The following GINM1 variants were observed in gnomAD, a reference collection of about 807,000 sequenced individuals.
The protein encoded by GINM1 is glycosylated integral membrane protein 1.
A neutral mutation model predicts 37.8 loss-of-function variants in GINM1; 29 were observed. The ratio of observed to expected loss-of-function variants is 0.77; its 90% CI spans 0.57 to 1.05. GINM1 has a LOEUF of 1.05. Ranked by LOEUF, GINM1 falls within the 50% of genes least tolerant of loss-of-function variation. The pLI is 0.00. For synonymous variants in GINM1, 143 were observed against 146.2 expected (o/e 0.98, Z 0.16); for missense variants, 377 against 397.9 (o/e 0.95, Z 0.45).
chr6:149,572,993 G>A (rs1777854338), intron 3 of GINM1, among the ~76,000 whole-genome samples: 1 of 152,086 alleles, frequency 6.6e-6, no homozygotes, highest in Non-Finnish European at 1.5e-5. Flanking sequence ...TACTAAATTA[G>A]CAAAACAATT....
At chr6:149,577,756 C>T (rs1016672221) in intron 3 of GINM1, among the ~76,000 whole-genome samples, 1 of 152,160 alleles carries the variant, frequency 6.6e-6, no homozygotes, top group Non-Finnish European at 1.5e-5. Context: ...CAAAAATCTT[C>T]AGATTATTTG....
At chr6:149,571,485 A>G (rs1221615001) in intron 1 of GINM1, among the ~76,000 whole-genome samples, 1 of 152,216 alleles carries the variant, frequency 6.6e-6, no homozygotes, top group Admixed American at 6.5e-5. Context: ...GGAAGAATAC[A>G]TGTGTACTGT....
chr6:149,588,258 T>G (rs1469809583), intron 7 of GINM1, among the ~76,000 whole-genome samples: 1 of 152,240 alleles, frequency 6.6e-6, no homozygotes, highest in Non-Finnish European at 1.5e-5. Flanking sequence ...CATTTTCATC[T>G]TACTAGCATC....
At chr6:149,582,341 G>C in intron 6 of GINM1, 99 bp from the exon 7 acceptor site, 1 of 1,005,830 alleles carries the variant, frequency 9.9e-7, no homozygotes, top group Non-Finnish European at 1.5e-6. Flanking sequence ...TCAAAATATA[G>C]AATATTTTTA....
At position 149,580,713 on chromosome 6, in the gene GINM1, C is replaced by T. The variant is rs1325133603; in HGVS notation, c.707C>T (p.Ser236Phe). 3.1e-6 allele frequency: 5 copies of T among 1,606,450 alleles called. No homozygotes were observed. The highest frequency in any genetic ancestry group is 1.1e-5 in the South Asian group (1 of 90,946). The change falls in exon 6 of 8, where the codon TCT becomes TTT. Residue 236 changes from serine (S) to phenylalanine (F), a missense_variant. Transcript: ENST00000367419. ...ACTCCTCTCAGAGCAGAGCCGCCATCTTCATATAAGGTAAATCAAGTATTT... is the reference window on the plus strand; with the variant it reads ...ACTCCTCTCAGAGCAGAGCCGCCATTTTCATATAAGGTAAATCAAGTATTT... ...PETPLRAEPP[S>F]SYKVMCQWME...
chr6:149,583,327 G>A (rs1333320824), intron 7 of GINM1, among the ~76,000 whole-genome samples: 1 of 152,140 alleles, frequency 6.6e-6, no homozygotes, highest in Non-Finnish European at 1.5e-5. Context: ...GCCAGCCGTG[G>A]TGGCAGGCGC....
intron 2 of GINM1, 74 bp from the exon 3 acceptor site, chr6:149,572,433 A>C: frequency 7.9e-7 from 1 of 1,266,652 alleles, no homozygotes; most frequent in Non-Finnish European, 1.1e-6. Context: ...TCATTTAGTT[A>C]ATCTTTTTTG....
chr6:149,578,829 T>C lies in GINM1; in HGVS notation c.285T>C (p.Asn95=), dbSNP rs1305941375. The change falls in exon 4 of 8, where the codon AAT becomes AAC. Residue 95 remains asparagine (N), a synonymous_variant. Transcript: ENST00000367419. ...CTACTTTTTTTTTTATAGTGAAGAATGAAAATCTTGAAAATTTGGAGGAAA... is the reference window on the plus strand; with the variant it reads ...CTACTTTTTTTTTTATAGTGAAGAACGAAAATCTTGAAAATTTGGAGGAAA... ...RISCQTLIVK[N]ENLENLEEKE... is the part of the protein sequence containing the mutation. 6.4e-7 allele frequency: 1 copy of C among 1,571,878 alleles called. No individual in the cohort carries two copies. The highest frequency in any genetic ancestry group is 1.8e-5 in the Admixed American group (1 of 55,256).
Position 149,580,624 on chromosome 6 carries a change from G to GT in GINM1, c.619dup (p.Tyr207LeufsTer12). 6.2e-7 allele frequency: 1 copy of GT among 1,613,694 alleles called. No homozygotes were observed. Among genetic ancestry groups the GT allele is most frequent in the South Asian group, 1.1e-5 (1 of 91,026 alleles). ...TTAGTTCACTGCAAACCACTAGCCA[G>GT]TATCTTATCAGGAATGTGGAAACCA... On this transcript the variant is annotated frameshift_variant, in exon 6 of 8. Transcript: ENST00000367419. LOFTEE classifies it high-confidence loss of function.
chr6:149,583,258 T>C (rs749292437), intron 7 of GINM1, among the ~76,000 whole-genome samples: 7 of 152,018 alleles, frequency 4.6e-5, no homozygotes, highest in Non-Finnish European at 1.0e-4. Context: ...AGGTCAGGAA[T>C]TTGAGACCAG....
chr6:149,570,267 G>C (rs1343338084), intron 1 of GINM1, among the ~76,000 whole-genome samples: 2 of 145,288 alleles, frequency 1.4e-5, no homozygotes, highest in African/African-American at 5.1e-5. Context: ...TGGTTTCCTA[G>C]AACAACATTG....
At chr6:149,574,193 GGT>G (rs1777876481) in intron 3 of GINM1, among the ~76,000 whole-genome samples, 1 of 151,904 alleles carries the variant, frequency 6.6e-6, no homozygotes, top group African/African-American at 2.4e-5. Context: ...TTGGATTACA[GGT>G]GCCCGCCACC....
intron 7 of GINM1, among the ~76,000 whole-genome samples, chr6:149,588,250 T>A (rs970583000): frequency 6.6e-6 from 1 of 152,208 alleles, no homozygotes; most frequent in African/African-American, 2.4e-5. Context: ...TTAATTTGCA[T>A]TTTCATCTTA....
chr6:149,586,931 G>A (rs1420415620), intron 7 of GINM1, among the ~76,000 whole-genome samples: 2 of 151,970 alleles, frequency 1.3e-5, no homozygotes, highest in Non-Finnish European at 2.9e-5. Flanking sequence ...ACTAAGGTGT[G>A]TGTCACCATG....
At chr6:149,578,525 CAAAAAAAAAA>C in intron 3 of GINM1, among the ~76,000 whole-genome samples, 2 of 71,430 alleles carry the variant, frequency 2.8e-5, no homozygotes, top group African/African-American at 1.0e-4. Context: ...GACTCCATCT[CAAAAAAAAAA>C]AAAAAAAAAA....
At chr6:149,585,568 T>C (rs1215784087) in intron 7 of GINM1, among the ~76,000 whole-genome samples, 1 of 152,032 alleles carries the variant, frequency 6.6e-6, no homozygotes, top group Admixed American at 6.6e-5. Flanking sequence ...AAAAGACAAA[T>C]ATAAAGATTT....
rs77067873 is a variant in GINM1, at chr6:149,582,978, T to TA, written c.881+375_881+376insA. Among the ~76,000 whole-genome samples, 527 of 151,786 alleles carry TA rather than the reference T, an allele frequency of 3.5e-3. 4 individuals carry two copies. The highest frequency in any genetic ancestry group is 0.012 in the African/African-American group (504 of 41,354). The stretch of plus-strand genomic sequence containing the variant: ...TCAACCCCAGAGTATCAGTTTAAAA[T>TA]GTTAATTTCAGTAGACAAGCAGGAT... On this transcript the variant is annotated intron_variant, in intron 7 of 7. Transcript: ENST00000367419.
chr6:149,584,387 GA>G, intron 7 of GINM1: 1 of 152,298 alleles, frequency 6.6e-6, no homozygotes, highest in Middle Eastern at 3.4e-3. Flanking sequence ...AGGATTTTTG[GA>G]AAAGAAGACC....
intron 3 of GINM1, among the ~76,000 whole-genome samples, chr6:149,574,424 A>G (rs1335759807): frequency 6.6e-6 from 1 of 152,088 alleles, no homozygotes; most frequent in East Asian, 1.9e-4. Flanking sequence ...TTACTGATAC[A>G]TTTGGATTTA....
Sources: gnomAD v4.1 joint callset for allele counts (sites outside exome capture counted in the v4.1 genomes callset) on GRCh38, gnomAD v4.1.1 for gene constraint, MANE v1.5 for transcripts, NCBI Gene and HGNC (gene_info 2026-07-23, HGNC 2026-07-21) for gene names.